The following CC2D2B variants were observed in gnomAD, a reference collection of about 807,000 sequenced individuals.
The protein encoded by CC2D2B is coiled-coil and C2 domain containing 2B.
Under a neutral mutation model 161.2 loss-of-function variants are expected in CC2D2B, and 128 were observed. That is an observed-to-expected ratio of 0.79 (90% confidence interval 0.69 to 0.92). CC2D2B has a LOEUF of 0.92. Ranked by LOEUF, CC2D2B falls within the 40% of genes least tolerant of loss-of-function variation. CC2D2B has a pLI of 0.00. For missense variants in CC2D2B, 1,173 were observed against 1,375.1 expected, an observed-to-expected ratio of 0.85 and a Z score of 2.32; for synonymous variants, 391 against 449.8, an observed-to-expected ratio of 0.87 and a Z score of 1.65.
At chr10:95,970,817 C>G (rs924605626) in intron 15 of CC2D2B, among the ~76,000 whole-genome samples, 1 of 152,192 alleles carries the variant, frequency 6.6e-6, no homozygotes, top group Non-Finnish European at 1.5e-5. Flanking sequence ...TCCTACAAAC[C>G]TTTCTGCAGT....
At chr10:95,942,475 C>G (rs966804283) in intron 9 of CC2D2B, among the ~76,000 whole-genome samples, 1 of 152,086 alleles carries the variant, frequency 6.6e-6, no homozygotes, top group Admixed American at 6.6e-5. Flanking sequence ...CATATTTTAT[C>G]TCCAGTTAAA....
chr10:96,003,756 G>A (rs965758815), intron 24 of CC2D2B, among the ~76,000 whole-genome samples: 1 of 152,016 alleles, frequency 6.6e-6, no homozygotes, highest in African/African-American at 2.4e-5. Flanking sequence ...ATGCCGGGCC[G>A]TAAATTCTGT....
chr10:96,031,068 AT>A (rs1402864887), intron 34 of CC2D2B, among the ~76,000 whole-genome samples: 1 of 152,204 alleles, frequency 6.6e-6, no homozygotes, highest in Non-Finnish European at 1.5e-5. Flanking sequence ...CCTAGTAAGT[AT>A]TTAGTAAATG....
upstream of CC2D2B, chr10:95,907,844 A>T (rs570075435): frequency 4.6e-5 from 7 of 152,454 alleles, no homozygotes; most frequent in South Asian, 6.2e-4. Flanking sequence ...TGGCGCACCG[A>T]AGATTCCCAA....
At chr10:95,982,697 C>T (rs752148021) in intron 18 of CC2D2B, among the ~76,000 whole-genome samples, 2 of 152,136 alleles carry the variant, frequency 1.3e-5, no homozygotes, top group African/African-American at 2.4e-5. Context: ...CTTTCTTCTT[C>T]TCTTTTAAAA....
At chr10:95,909,023 T>C (rs1431810583) in intron 1 of CC2D2B, among the ~76,000 whole-genome samples, 1 of 151,902 alleles carries the variant, frequency 6.6e-6, no homozygotes, top group Non-Finnish European at 1.5e-5. Context: ...GAGCAGGACA[T>C]GATGACTTGG....
intron 25 of CC2D2B, 83 bp from the exon 26 acceptor site, chr10:96,009,742 A>G: frequency 1.9e-6 from 1 of 514,880 alleles, no homozygotes. Flanking sequence ...AAAGAGAATG[A>G]CTTTTTATAT....
At chr10:96,029,270 ATATATATATATATATG>A (rs1228113455) in intron 34 of CC2D2B, among the ~76,000 whole-genome samples, 1,421 of 64,528 alleles carry the variant, frequency 0.022, 9 homozygotes, top group Non-Finnish European at 0.026. Flanking sequence ...ATATATATAT[ATATATATATATATATG>A]TATATATATA....
At chr10:96,029,729 C>T (rs978073588) in intron 34 of CC2D2B, among the ~76,000 whole-genome samples, 4 of 151,974 alleles carry the variant, frequency 2.6e-5, no homozygotes, top group African/African-American at 7.2e-5. Context: ...TATGTACAAC[C>T]TCACACAATA....
chr10:95,926,852 G>GTGTC (rs1554829014), intron 5 of CC2D2B, among the ~76,000 whole-genome samples: 6 of 150,162 alleles, frequency 4.0e-5, no homozygotes, highest in African/African-American at 1.5e-4. Context: ...GTGTGTCTGT[G>GTGTC]TGTGTGTGTG....
At chr10:95,931,988 T>A (rs1189931276) in intron 6 of CC2D2B, among the ~76,000 whole-genome samples, 1 of 152,212 alleles carries the variant, frequency 6.6e-6, no homozygotes, top group African/African-American at 2.4e-5. Context: ...TGTTAAAGTC[T>A]CCCATTATTA....
intron 22 of CC2D2B, among the ~76,000 whole-genome samples, chr10:95,994,809 T>C (rs779372244): frequency 2.0e-5 from 3 of 152,236 alleles, no homozygotes; most frequent in Non-Finnish European, 2.9e-5. Context: ...TGATTAATAA[T>C]GTTTATACTA....
At chr10:95,916,579 T>C (rs1339413917) in intron 2 of CC2D2B, among the ~76,000 whole-genome samples, 5 of 152,068 alleles carry the variant, frequency 3.3e-5, no homozygotes, top group African/African-American at 1.2e-4. Flanking sequence ...CTGTATCCCA[T>C]AGGTTTTGGT....
At chr10:95,999,894 C>T in intron 24 of CC2D2B, 1 of 497,530 alleles carries the variant, frequency 2.0e-6, no homozygotes. Context: ...AGGTACCTTT[C>T]TCTCTGGCTT....
At chr10:95,992,808 C>A in intron 22 of CC2D2B, 111 bp downstream of exon 22, 1 of 649,470 alleles carries the variant, frequency 1.5e-6, no homozygotes, top group Non-Finnish European at 2.2e-6. Flanking sequence ...GCTCCATATA[C>A]ATAAAATGAA....
chr10:95,915,010 G>T (rs2098513465), intron 2 of CC2D2B, among the ~76,000 whole-genome samples: 1 of 152,088 alleles, frequency 6.6e-6, no homozygotes, highest in Non-Finnish European at 1.5e-5. Context: ...TGAATAGAAT[G>T]GACATTTTAA....
At chr10:95,940,226 G>A (rs67135727) in intron 9 of CC2D2B, among the ~76,000 whole-genome samples, 36,095 of 151,854 alleles carry the variant, frequency 0.24, 5,063 homozygotes, top group East Asian at 0.64. Flanking sequence ...AACCCCAAGG[G>A]GATGGTGTTA....
chr10:95,994,051 G>A (rs1264631850), intron 22 of CC2D2B, among the ~76,000 whole-genome samples: 4 of 143,714 alleles, frequency 2.8e-5, no homozygotes, highest in Non-Finnish European at 6.1e-5. Flanking sequence ...GTGCAGAGAC[G>A]AGAGATAGTA....
intron 5 of CC2D2B, among the ~76,000 whole-genome samples, chr10:95,925,851 G>A (rs1179451920): frequency 6.6e-6 from 1 of 152,172 alleles, no homozygotes; most frequent in African/African-American, 2.4e-5. Context: ...TTTTAGGGGA[G>A]AAGACCAGGA....
Sources: allele counts gnomAD v4.1 joint callset (sites outside exome capture counted in the v4.1 genomes callset), GRCh38; gene constraint gnomAD v4.1.1; transcripts MANE v1.5; gene names NCBI Gene and HGNC (gene_info 2026-07-23, HGNC 2026-07-21).